DPT: variants seen among roughly 807,000 people sequenced by gnomAD.
DPT encodes the protein tyrosine-rich acidic matrix protein.
DPT carries 21 observed loss-of-function variants against 31.2 expected under a neutral mutation model. The ratio of observed to expected loss-of-function variants is 0.67; its 90% CI spans 0.48 to 0.97. DPT has a LOEUF of 0.97. Ranked by LOEUF, DPT falls within the 50% of genes least tolerant of loss-of-function variation. The pLI, the probability that DPT is intolerant of heterozygous loss-of-function variation, is 0.00. For synonymous variants in DPT, 91 were observed against 86.9 expected, an observed-to-expected ratio of 1.05 and a Z score of -0.26; for missense variants, 262 against 258.8, an observed-to-expected ratio of 1.01 and a Z score of -0.08.
chr1:168,699,035 T>C (rs941159515), intron 3 of DPT, among the ~76,000 whole-genome samples: 5 of 152,208 alleles, frequency 3.3e-5, no homozygotes, highest in African/African-American at 1.2e-4. Context: ...TGATTCTGGG[T>C]AATCCACATA....
At chr1:168,713,950 C>T (rs1297531653) in intron 2 of DPT, among the ~76,000 whole-genome samples, 1 of 152,042 alleles carries the variant, frequency 6.6e-6, no homozygotes, top group Non-Finnish European at 1.5e-5. Context: ...TTGGCATTCC[C>T]ACAGAGTAGG....
chr1:168,725,543 G>A (rs1205695174), intron 1 of DPT, among the ~76,000 whole-genome samples: 2 of 152,116 alleles, frequency 1.3e-5, no homozygotes, highest in African/African-American at 4.8e-5. Context: ...CCAAGTTAGA[G>A]CAGATTCCCT....
intron 1 of DPT, among the ~76,000 whole-genome samples, chr1:168,727,231 G>T (rs948502720): frequency 2.0e-5 from 3 of 152,356 alleles, no homozygotes; most frequent in Middle Eastern, 3.4e-3. Context: ...TTGAAGCAAA[G>T]ACTCTGTGGA....
chr1:168,714,198 G>T (rs1649928216), intron 2 of DPT, 23 bp downstream of exon 2: 21 of 1,613,940 alleles, frequency 1.3e-5, no homozygotes, highest in Non-Finnish European at 1.7e-5. Flanking sequence ...AGTCATGAGG[G>T]TTTGGTCGGC....
intron 1 of DPT, among the ~76,000 whole-genome samples, chr1:168,716,666 G>A (rs550123675): frequency 5.9e-5 from 9 of 152,056 alleles, no homozygotes; most frequent in Non-Finnish European, 1.0e-4. Context: ...TTTAAGGCCC[G>A]CATGCATTAG....
chr1:168,705,846 G>A (rs1027603120), intron 2 of DPT, among the ~76,000 whole-genome samples: 1 of 152,142 alleles, frequency 6.6e-6, no homozygotes, highest in African/African-American at 2.4e-5. Flanking sequence ...TTCCTGTGTT[G>A]TTCTCATACT....
At chr1:168,700,129 T>C (rs891384484) in intron 3 of DPT, among the ~76,000 whole-genome samples, 4 of 152,172 alleles carry the variant, frequency 2.6e-5, no homozygotes, top group African/African-American at 9.7e-5. Context: ...TGGAACCTAA[T>C]ACTCAATGTG....
chr1:168,697,092 A>G (rs891547027), intron 3 of DPT, among the ~76,000 whole-genome samples: 8 of 151,742 alleles, frequency 5.3e-5, no homozygotes, highest in East Asian at 1.9e-4. Context: ...GGAAACCCTG[A>G]CTCCACAAAA....
chr1:168,715,826 C>T (rs758901215), intron 1 of DPT, among the ~76,000 whole-genome samples: 1 of 152,174 alleles, frequency 6.6e-6, no homozygotes, highest in Admixed American at 6.5e-5. Context: ...CTTCAGTTAC[C>T]TCTCCTTCTT....
chr1:168,710,911 A>G (rs1246284772), intron 2 of DPT, among the ~76,000 whole-genome samples: 1 of 152,108 alleles, frequency 6.6e-6, no homozygotes, highest in Non-Finnish European at 1.5e-5. Flanking sequence ...TCCACGGAAT[A>G]TGGGAATTCC....
intron 1 of DPT, among the ~76,000 whole-genome samples, chr1:168,716,158 C>T (rs1480205129): frequency 6.6e-6 from 1 of 152,138 alleles, no homozygotes; most frequent in African/African-American, 2.4e-5. Context: ...ATCATCCGTC[C>T]TTTTAAATTT....
At chr1:168,716,498 T>C (rs1224623717) in intron 1 of DPT, among the ~76,000 whole-genome samples, 2 of 152,070 alleles carry the variant, frequency 1.3e-5, no homozygotes, top group African/African-American at 2.4e-5. Context: ...TTTTTTGGTA[T>C]GTGCAACTGT....
At chr1:168,702,104 A>G (rs1649611500) in intron 2 of DPT, among the ~76,000 whole-genome samples, 1 of 152,154 alleles carries the variant, frequency 6.6e-6, no homozygotes, top group Non-Finnish European at 1.5e-5. Context: ...CAGGACCAAA[A>G]CAGTCCTTTT....
rs143369045 is a variant in DPT at position 168,714,291 on chromosome 1, C to T, written c.361G>A (p.Glu121Lys). 5.1e-4 allele frequency: 819 copies of T among 1,614,074 alleles called. 4 individuals carry two copies. In the East Asian group the frequency reaches 0.012, roughly 24 times the overall value. The stretch of plus-strand genomic sequence containing the variant: ...TGCCACTCCCGATCCAGCACTGACT[C>T]GAAGTAGCGGCTCTGGAATCCTGCC... ...LVAGFQSRYF[E>K]SVLDREWQFY... Residue 121 changes from glutamate (E) to lysine (K), a missense_variant, in exon 2 of 4, where the codon GAG (glutamate) becomes AAG (lysine). Physicochemically the swap from Glu to Lys is moderately conservative, Grantham distance 56. Coordinates refer to ENST00000367817, the MANE Select transcript of DPT (RefSeq NM_001937.5).
intron 2 of DPT, among the ~76,000 whole-genome samples, chr1:168,708,542 G>A (rs1649772216): frequency 6.6e-6 from 1 of 152,240 alleles, no homozygotes; most frequent in South Asian, 2.1e-4. Flanking sequence ...AGCTTGCGCA[G>A]AGGACCAGTA....
At chr1:168,725,281 TTTCC>T (rs886139832) in intron 1 of DPT, among the ~76,000 whole-genome samples, 11 of 138,988 alleles carry the variant, frequency 7.9e-5, no homozygotes, top group African/African-American at 2.7e-4. Context: ...TCCTTCCTTC[TTTCC>T]TTCCTTCCTT....
At chr1:168,723,610 C>T (rs1460920831) in intron 1 of DPT, among the ~76,000 whole-genome samples, 1 of 152,138 alleles carries the variant, frequency 6.6e-6, no homozygotes, top group Non-Finnish European at 1.5e-5. Context: ...CCCATCTCTC[C>T]CCTTCTACTG....
intron 2 of DPT, 110 bp downstream of exon 2, chr1:168,714,111 C>G: frequency 1.4e-6 from 2 of 1,454,838 alleles, no homozygotes. Context: ...TATGCCAGCG[C>G]TGCCTTCCAG....
rs542056211 is a variant in DPT, at chr1:168,716,420, A to G, written c.306-2074T>C. On this transcript the variant is annotated intron_variant, in intron 1 of 3. Transcript: ENST00000367817. Reference sequence around the variant, plus strand: ...TTCTGGCAGACTAGAAAACTCAGCTATAGGGGCTCAGTAATGCAGGTTAAG... The same window carrying G: ...TTCTGGCAGACTAGAAAACTCAGCTGTAGGGGCTCAGTAATGCAGGTTAAG... 3.3e-5 allele frequency among the ~76,000 whole-genome samples: 5 copies of G among 152,108 alleles called. No individual in the cohort carries two copies. The East Asian group carries it at 5.8e-4, about 18-fold the overall frequency.
Sources: gnomAD v4.1 joint callset for allele counts (sites outside exome capture counted in the v4.1 genomes callset) on GRCh38, gnomAD v4.1.1 for gene constraint, MANE v1.5 for transcripts, NCBI Gene and HGNC (gene_info 2026-07-23, HGNC 2026-07-21) for gene names.